Variants in HERC3 observed in about 807,000 individuals in gnomAD.
HERC3 encodes the protein HECT and RLD domain containing E3 ubiquitin protein ligase 3.
Under a neutral mutation model 129.9 loss-of-function variants are expected in HERC3, and 58 were observed. The ratio of observed to expected loss-of-function variants is 0.45; its 90% CI spans 0.36 to 0.56. HERC3 has a LOEUF of 0.56. Ranked by LOEUF, HERC3 falls within the 20% of genes least tolerant of loss-of-function variation. HERC3 has a pLI of 0.00. For synonymous variants in HERC3, 430 were observed against 451.0 expected (o/e 0.95, Z 0.59); for missense variants, 835 against 1,244.2 (o/e 0.67, Z 4.95).
At chr4:88,535,227 C>T in the HERC3 span, among the ~76,000 whole-genome samples, 1 of 152,154 alleles carries the variant, frequency 6.6e-6, no homozygotes, top group Non-Finnish European at 1.5e-5. Flanking sequence ...ACTCAGAGAC[C>T]AACCTTGAAC....
At chr4:88,526,681 G>A in the HERC3 span, among the ~76,000 whole-genome samples, 2 of 152,042 alleles carry the variant, frequency 1.3e-5, no homozygotes, top group Non-Finnish European at 2.9e-5. Flanking sequence ...GAATACAGGT[G>A]CATGCCACCA....
At chr4:88,641,714 C>T (rs541813052) in intron 3 of HERC3, among the ~76,000 whole-genome samples, 11 of 152,286 alleles carry the variant, frequency 7.2e-5, no homozygotes, top group African/African-American at 2.6e-4. Context: ...ATCAAATGGA[C>T]AATTCTTCCA....
Position 88,707,676 on chromosome 4 carries a change from G to T in HERC3, c.*716G>T, listed in dbSNP as rs1216703910. 6.6e-6 allele frequency: 1 copy of T among 152,180 alleles called. No individual in the cohort carries two copies. Among genetic ancestry groups the T allele is most frequent in the East Asian group, 1.9e-4 (1 of 5,202 alleles). 9.4% of individuals were successfully genotyped at this position (152,180 alleles called of 1,614,324 possible). ...AGATGTGCAGAGCAGCTTAGCATTC[G>T]TTGCAGCTGAGCCTAATTTTTTCTT... On this transcript the variant is annotated 3_prime_UTR_variant, in exon 26 of 26. Transcript: ENST00000402738.
intron 23 of HERC3, chr4:88,697,048 C>T (rs1242071060): frequency 1.5e-6 from 1 of 651,520 alleles, no homozygotes; most frequent in East Asian, 2.9e-5. Flanking sequence ...TGGCCAGGAT[C>T]TAATTGCTTT....
At chr4:88,535,581 G>C in the HERC3 span, among the ~76,000 whole-genome samples, 2 of 152,140 alleles carry the variant, frequency 1.3e-5, no homozygotes, top group African/African-American at 4.8e-5. Flanking sequence ...CCTGGGCTGA[G>C]GTCTGAAGTC....
rs751968387 is a variant in HERC3 at position 88,681,287 on chromosome 4, C to T, written c.2469C>T (p.Gly823=). 128 of 1,613,486 alleles carry T rather than the reference C, an allele frequency of 7.9e-5. No individual in the cohort carries two copies. The highest frequency in any genetic ancestry group is 3.0e-4 in the Admixed American group (18 of 59,882). ...AGAAGTTACTCAATGTAAAGCCTGG[C>T]TTGGAAGACTTAAAGGAGTTGTCAC... is the stretch of plus-strand genomic sequence containing the variant. The part of the protein sequence containing the change: ...LYKKLLNVKP[G]LEDLKELSPT... The change falls in exon 21 of 26, where the codon GGC becomes GGT. Residue 823 remains glycine, a synonymous_variant. Coordinates refer to ENST00000402738, the MANE Select transcript of HERC3 (RefSeq NM_014606.3).
chr4:88,697,238 G>C, intron 23 of HERC3: 3 of 1,531,746 alleles, frequency 2.0e-6, no homozygotes, highest in Non-Finnish European at 2.6e-6. Flanking sequence ...ATCTCGGCGT[G>C]GGCATCGTCA....
chr4:88,662,529 A>G lies in HERC3; in HGVS notation c.1245A>G (p.Ser415=). The G allele has an allele frequency of 6.2e-7, 1 of 1,613,180 alleles. No individual in the cohort carries two copies. The highest frequency in any genetic ancestry group is 8.5e-7 in the Non-Finnish European group (1 of 1,179,664). The change falls in exon 11 of 26, where the codon TCA becomes TCG. Residue 415 remains serine (S), a synonymous_variant. Transcript: ENST00000402738. ...TAGCAGTTTGGAGACAAAAACTCTC[A>G]GAACACAACAATGCAAATACAATCA... ...ETIAVWRQKL[S]EHNNANTING...
intron 3 of HERC3, among the ~76,000 whole-genome samples, chr4:88,641,629 G>A (rs559730589): frequency 6.6e-6 from 1 of 152,244 alleles, no homozygotes; most frequent in African/African-American, 2.4e-5. Context: ...TCATTACCCT[G>A]CAGGCCCTGC....
At chr4:88,631,209 C>T (rs1166781580) in intron 3 of HERC3, among the ~76,000 whole-genome samples, 2 of 152,158 alleles carry the variant, frequency 1.3e-5, no homozygotes, top group African/African-American at 4.8e-5. Flanking sequence ...AATCCCAGCA[C>T]TTTGGGAGGC....
At chr4:88,527,307 A>C in the HERC3 span, 1 of 147,804 alleles carries the variant, frequency 6.8e-6, no homozygotes, top group Non-Finnish European at 1.5e-5. Flanking sequence ...GCTGGAGTGC[A>C]GTGGCTCCAT....
intron 2 of HERC3, among the ~76,000 whole-genome samples, chr4:88,604,273 C>T (rs543319879): frequency 9.7e-4 from 148 of 152,352 alleles, no homozygotes; most frequent in African/African-American, 3.4e-3. Context: ...CCCGCCTTGA[C>T]CTCCCAAAGT....
chr4:88,693,484 C>T (rs1169477578), intron 23 of HERC3: 1 of 972,458 alleles, frequency 1.0e-6, no homozygotes, highest in Admixed American at 6.2e-5. Context: ...TTTACATAGT[C>T]TACACAGTAT....
At chr4:88,591,991 G>C (rs1386466727), upstream of HERC3, among the ~76,000 whole-genome samples, 1 of 151,866 alleles carries the variant, frequency 6.6e-6, no homozygotes, top group East Asian at 1.9e-4. Flanking sequence ...GCCGCGGGCC[G>C]GCGCCGCGCT....
chr4:88,612,328 G>A (rs1025192940), intron 3 of HERC3, among the ~76,000 whole-genome samples: 1 of 97,876 alleles, frequency 1.0e-5, no homozygotes, highest in Non-Finnish European at 2.0e-5. Context: ...TGTGTGTGTG[G>A]TAAGAAGGAG....
chr4:88,565,136 TG>T, the HERC3 span, among the ~76,000 whole-genome samples: 12 of 152,240 alleles, frequency 7.9e-5, no homozygotes, highest in Non-Finnish European at 1.6e-4. Flanking sequence ...GGAGTTGTTT[TG>T]TGGCCTTATT....
rs556078295 is a variant in HERC3, at chr4:88,670,201, C to G, written c.1860C>G (p.Leu620=). 2 of 1,613,422 alleles carry G rather than the reference C, an allele frequency of 1.2e-6. No individual in the cohort carries two copies. ...TTTACATTCCTGAGATTTCCAATCT[C>G]GTGGACATTCAGGAAGACTACCTCA... ...DTFYIPEISN[L]VDIQEDYLMW... The change falls in exon 16 of 26, where the codon CTC becomes CTG. Residue 620 remains leucine (L), a synonymous_variant. Coordinates refer to ENST00000402738, the MANE Select transcript of HERC3 (RefSeq NM_014606.3).
At chr4:88,611,720 C>T (rs780686963) in intron 3 of HERC3, among the ~76,000 whole-genome samples, 1 of 152,200 alleles carries the variant, frequency 6.6e-6, no homozygotes, top group Non-Finnish European at 1.5e-5. Context: ...CTTTTTCTTG[C>T]TTTGCAGTAC....
chr4:88,660,492 C>G (rs956137205), intron 10 of HERC3, among the ~76,000 whole-genome samples: 4 of 152,172 alleles, frequency 2.6e-5, no homozygotes, highest in African/African-American at 7.2e-5. Flanking sequence ...GCGTGATCCA[C>G]CACGCCCGGC....
Sources: allele counts gnomAD v4.1 joint callset (sites outside exome capture counted in the v4.1 genomes callset), GRCh38; gene constraint gnomAD v4.1.1; transcripts MANE v1.5; gene names NCBI Gene and HGNC (gene_info 2026-07-23, HGNC 2026-07-21).